DCDC2: variants seen among roughly 807,000 people sequenced by gnomAD.
DCDC2 encodes doublecortin domain containing 2.
DCDC2 carries 40 observed loss-of-function variants against 50.2 expected under a neutral mutation model. That is an observed-to-expected ratio of 0.80 (90% CI 0.62 to 1.04). The LOEUF (loss-of-function observed/expected upper bound fraction) is 1.04. Among genes scored for constraint, DCDC2 ranks in the 50% least tolerant of loss-of-function variants. The pLI is 0.00. For synonymous variants in DCDC2, 234 were observed against 210.6 expected (o/e 1.11, Z -0.96); for missense variants, 570 against 581.9 (o/e 0.98, Z 0.21).
At chr6:24,175,887 A>C (rs1760898183) in intron 9 of DCDC2, among the ~76,000 whole-genome samples, 1 of 152,234 alleles carries the variant, frequency 6.6e-6, no homozygotes, top group Non-Finnish European at 1.5e-5. Context: ...GGTATGCTTA[A>C]AATATACCTA....
At chr6:24,291,606 C>A (rs1396698920) in intron 4 of DCDC2, among the ~76,000 whole-genome samples, 1 of 150,168 alleles carries the variant, frequency 6.7e-6, no homozygotes, top group East Asian at 1.9e-4. Context: ...CTGCCTCAGC[C>A]TCCCAAGTAG....
At chr6:24,251,159 T>C (rs181083307) in intron 7 of DCDC2, among the ~76,000 whole-genome samples, 300 of 152,322 alleles carry the variant, frequency 2.0e-3, no homozygotes, top group African/African-American at 6.9e-3. Flanking sequence ...CCAATAGCAC[T>C]GGCTAATTGG....
intron 4 of DCDC2, among the ~76,000 whole-genome samples, chr6:24,296,397 C>T (rs1759241208): frequency 6.6e-6 from 1 of 152,158 alleles, no homozygotes; most frequent in Admixed American, 6.5e-5. Context: ...TAGGCAATAC[C>T]ATCCTGGGCA....
At chr6:24,315,282 C>T (rs1033140989) in intron 2 of DCDC2, among the ~76,000 whole-genome samples, 3 of 151,806 alleles carry the variant, frequency 2.0e-5, no homozygotes, top group South Asian at 2.1e-4. Flanking sequence ...AGAACCAAGT[C>T]GTCCACACCA....
At chr6:24,383,216 C>G in the DCDC2 span, among the ~76,000 whole-genome samples, 5 of 151,794 alleles carry the variant, frequency 3.3e-5, no homozygotes, top group African/African-American at 9.7e-5. Context: ...ATTCCAGCTA[C>G]TCAGGAGGCT....
intron 2 of DCDC2, among the ~76,000 whole-genome samples, chr6:24,350,934 T>C (rs905140886): frequency 2.0e-5 from 3 of 152,170 alleles, no homozygotes; most frequent in African/African-American, 7.2e-5. Context: ...GCATAGATCA[T>C]CCTCCAACTT....
At chr6:24,209,417 G>A (rs549577644) in intron 7 of DCDC2, among the ~76,000 whole-genome samples, 1 of 152,310 alleles carries the variant, frequency 6.6e-6, no homozygotes, top group South Asian at 2.1e-4. Context: ...TGAAGGGTGA[G>A]TGACAACTAG....
chr6:24,297,420 TACCTATGCAACTA>T (rs1287344487), intron 4 of DCDC2, among the ~76,000 whole-genome samples: 1 of 152,214 alleles, frequency 6.6e-6, no homozygotes, highest in Non-Finnish European at 1.5e-5. Context: ...GACACAAGTT[TACCTATGCAACTA>T]ACCTGCACAT....
intron 2 of DCDC2, among the ~76,000 whole-genome samples, chr6:24,346,189 T>C (rs1760251501): frequency 6.6e-6 from 1 of 150,600 alleles, no homozygotes; most frequent in Non-Finnish European, 1.5e-5. Flanking sequence ...CTGCTGACCC[T>C]GAGAACATGG....
At chr6:24,233,880 TTAAG>T (rs1420188960) in intron 7 of DCDC2, among the ~76,000 whole-genome samples, 2 of 152,210 alleles carry the variant, frequency 1.3e-5, no homozygotes, top group African/African-American at 4.8e-5. Context: ...TTATGTGCAT[TTAAG>T]TAAGTTCATT....
At chr6:24,318,549 C>T (rs1204858185) in intron 2 of DCDC2, among the ~76,000 whole-genome samples, 2 of 151,964 alleles carry the variant, frequency 1.3e-5, no homozygotes, top group African/African-American at 4.8e-5. Flanking sequence ...TCATTCATCC[C>T]CTTCTGCTCC....
chr6:24,344,046 T>C (rs1431380269), intron 2 of DCDC2, among the ~76,000 whole-genome samples: 3 of 152,202 alleles, frequency 2.0e-5, no homozygotes, highest in East Asian at 1.9e-4. Flanking sequence ...TGCTATGCAA[T>C]AGATCTCCAG....
At chr6:24,236,193 C>T (rs1489606696) in intron 7 of DCDC2, among the ~76,000 whole-genome samples, 3 of 152,146 alleles carry the variant, frequency 2.0e-5, no homozygotes, top group Admixed American at 6.5e-5. Context: ...TCAAACTATA[C>T]TAAAAGGCTA....
chr6:24,365,327 C>G, the DCDC2 span, among the ~76,000 whole-genome samples: 1 of 152,186 alleles, frequency 6.6e-6, no homozygotes, highest in East Asian at 1.9e-4. Context: ...GAGATTTGCT[C>G]GTCACCCAGG....
chr6:24,281,487 GAAAAA>G lies in DCDC2; in HGVS notation c.760-3281_760-3277del, dbSNP rs59842458. On this transcript the variant is annotated intron_variant, in intron 6 of 9. Coordinates refer to ENST00000378454, the MANE Select transcript of DCDC2 (RefSeq NM_016356.5). ...ACTGCACCCAGCTAAATGCTTTTAA[GAAAAA>G]AAAAAAAAAAAAAAAAAGGAGGGTG... Among the ~76,000 whole-genome samples, 87 of 83,734 alleles carry G rather than the reference GAAAAA, an allele frequency of 1.0e-3. 2 individuals are homozygous for G. In the Middle Eastern group the frequency reaches 0.037, roughly 36 times the overall value. The allele number at this position is 83,734 out of a possible 152,430, so 54.9% of individuals were successfully genotyped here. A position where few individuals can be genotyped will look rare whatever the true frequency, so the allele number is the denominator to read the frequency against.
chr6:24,285,843 G>A (rs1763594552), intron 6 of DCDC2, among the ~76,000 whole-genome samples: 1 of 152,130 alleles, frequency 6.6e-6, no homozygotes, highest in Non-Finnish European at 1.5e-5. Context: ...GACTTTCCCT[G>A]TGACTTGGGA....
At chr6:24,273,840 A>G (rs1763293091) in intron 7 of DCDC2, among the ~76,000 whole-genome samples, 1 of 152,234 alleles carries the variant, frequency 6.6e-6, no homozygotes. Flanking sequence ...ATGACTGCTC[A>G]AGGGCAGTCA....
chr6:24,178,729 T>G, intron 8 of DCDC2, 97 bp from the exon 9 acceptor site: 1 of 1,232,512 alleles, frequency 8.1e-7, no homozygotes, highest in Non-Finnish European at 1.1e-6. Context: ...TACAGTCAAG[T>G]AAAACATTCT....
chr6:24,180,734 C>A (rs1384358318), intron 8 of DCDC2, among the ~76,000 whole-genome samples: 1 of 146,174 alleles, frequency 6.8e-6, no homozygotes, highest in Non-Finnish European at 1.5e-5. Context: ...GCCCTGACCC[C>A]CCTTTCCAAC....
Sources: allele counts gnomAD v4.1 joint callset (sites outside exome capture counted in the v4.1 genomes callset), GRCh38; gene constraint gnomAD v4.1.1; transcripts MANE v1.5; gene names NCBI Gene and HGNC (gene_info 2026-07-23, HGNC 2026-07-21).